The following CDH4 variants were observed in gnomAD, a reference collection of about 807,000 sequenced individuals.
The protein encoded by CDH4 is cadherin-4.
In CDH4, 33 loss-of-function variants were observed where a neutral mutation model predicts 86.0. The ratio of observed to expected loss-of-function variants is 0.38; its 90% CI spans 0.29 to 0.51. The LOEUF is 0.51. Among genes scored for constraint, CDH4 ranks in the 20% least tolerant of loss-of-function variants. The probability of loss-of-function intolerance (pLI) is 0.86; values close to 1 mark genes in which losing one functional copy is unlikely to be tolerated. For missense variants in CDH4, 1,114 were observed against 1,307.4 expected, an observed-to-expected ratio of 0.85 and a Z score of 2.28; for synonymous variants, 555 against 549.4, an observed-to-expected ratio of 1.01 and a Z score of -0.14.
At chr20:61,935,738 T>C (rs1020945625) in intron 15 of CDH4, among the ~76,000 whole-genome samples, 5 of 152,094 alleles carry the variant, frequency 3.3e-5, no homozygotes, top group African/African-American at 1.2e-4. Flanking sequence ...AATACAAAAA[T>C]TAGCTGGGCA....
rs73138619 is a variant in CDH4, at chr20:61,584,664, C to A, written c.170-158899C>A. ...GCTAAAACAATGATAAAATATAACACGAGCTCAGCAGATAACCCTGTGAGA... is the reference window on the plus strand; with the variant it reads ...GCTAAAACAATGATAAAATATAACAAGAGCTCAGCAGATAACCCTGTGAGA... On this transcript the variant is annotated intron_variant, in intron 2 of 15. Coordinates refer to ENST00000614565, the MANE Select transcript of CDH4 (RefSeq NM_001794.5). Among the ~76,000 whole-genome samples, 3 of 152,134 alleles carry A rather than the reference C, an allele frequency of 2.0e-5. No individual in the cohort carries two copies. The East Asian group carries it at 5.8e-4, about 29-fold the overall frequency.
chr20:61,666,542 G>A (rs567146237), intron 2 of CDH4, among the ~76,000 whole-genome samples: 115 of 152,318 alleles, frequency 7.5e-4, no homozygotes, highest in African/African-American at 2.5e-3. Flanking sequence ...GATGCTGGCC[G>A]AGGTCCACTG....
intron 3 of CDH4, among the ~76,000 whole-genome samples, chr20:61,746,151 C>T (rs562187010): frequency 7.0e-4 from 107 of 152,224 alleles, no homozygotes; most frequent in Non-Finnish European, 9.9e-4. Flanking sequence ...CCTGTGAGTC[C>T]GGCGTATGTC....
Position 61,768,370 on chromosome 20 carries a change from G to A in CDH4, c.397-4633G>A, listed in dbSNP as rs182976442. Among the ~76,000 whole-genome samples, 188 of 152,214 alleles carry A rather than the reference G, an allele frequency of 1.2e-3. 1 individual carries two copies. Among genetic ancestry groups the A allele is most frequent in the Non-Finnish European group, 2.3e-3 (156 of 68,018 alleles). Reference sequence around the variant, plus strand: ...CATATATATCTATATGTGCATGTGCGTACATGCATGCATACATGTGTGCAT... The same window carrying A: ...CATATATATCTATATGTGCATGTGCATACATGCATGCATACATGTGTGCAT... On this transcript the variant is annotated intron_variant, in intron 3 of 15. Coordinates refer to ENST00000614565, the MANE Select transcript of CDH4 (RefSeq NM_001794.5).
intron 2 of CDH4, among the ~76,000 whole-genome samples, chr20:61,273,298 A>G (rs1487242944): frequency 8.3e-6 from 1 of 120,544 alleles, no homozygotes; most frequent in African/African-American, 3.3e-5. Context: ...GGGAAGTACC[A>G]TGTGCAGTTT....
At chr20:61,731,884 G>A (rs921739023) in intron 2 of CDH4, among the ~76,000 whole-genome samples, 1 of 152,172 alleles carries the variant, frequency 6.6e-6, no homozygotes, top group African/African-American at 2.4e-5. Context: ...ACTGGAGGGT[G>A]TGTCCCCTGG....
intron 2 of CDH4, among the ~76,000 whole-genome samples, chr20:61,376,171 T>A (rs1192761064): frequency 6.6e-6 from 1 of 151,546 alleles, no homozygotes; most frequent in Non-Finnish European, 1.5e-5. Flanking sequence ...GTGATGGTGT[T>A]GCTGATGTTG....
intron 2 of CDH4, among the ~76,000 whole-genome samples, chr20:61,741,312 G>A (rs181143022): frequency 8.2e-4 from 125 of 152,316 alleles, no homozygotes; most frequent in African/African-American, 3.0e-3. Context: ...CTGCCTTTGA[G>A]GGCGCTGTCA....
intron 3 of CDH4, among the ~76,000 whole-genome samples, chr20:61,755,704 C>T (rs1218160814): frequency 2.1e-5 from 3 of 143,346 alleles, no homozygotes; most frequent in Non-Finnish European, 4.8e-5. Flanking sequence ...ACATTTTATA[C>T]CACATACATG....
intron 2 of CDH4, among the ~76,000 whole-genome samples, chr20:61,534,648 C>CTTTCTTTTTTTTTTTTTTTTTTTTTTT (rs1568881693): frequency 3.7e-5 from 4 of 108,382 alleles, no homozygotes; most frequent in African/African-American, 1.1e-4. Flanking sequence ...TTCTTTCTTT[C>CTTTCTTTTTTTTTTTTTTTTTTTTTTT]TTTTCTTTCT....
At chr20:61,565,990 G>A (rs2086294737) in intron 2 of CDH4, among the ~76,000 whole-genome samples, 1 of 152,168 alleles carries the variant, frequency 6.6e-6, no homozygotes, top group Non-Finnish European at 1.5e-5. Flanking sequence ...TGTCCCCGTT[G>A]CCCATCAAGT....
chr20:61,866,864 C>T (rs1046862181), intron 6 of CDH4, among the ~76,000 whole-genome samples: 1 of 152,248 alleles, frequency 6.6e-6, no homozygotes, highest in Non-Finnish European at 1.5e-5. Flanking sequence ...CTAGATGGAG[C>T]ATGTTTTCGC....
At chr20:61,866,085 C>A (rs569356657) in intron 6 of CDH4, among the ~76,000 whole-genome samples, 9 of 152,252 alleles carry the variant, frequency 5.9e-5, no homozygotes, top group African/African-American at 1.9e-4. Flanking sequence ...ACCTGGAGGA[C>A]CCTCAGTTGT....
chr20:61,585,637 GTGATGA>G (rs371729251), intron 2 of CDH4, among the ~76,000 whole-genome samples: 5 of 151,974 alleles, frequency 3.3e-5, no homozygotes, highest in Non-Finnish European at 4.4e-5. Context: ...GACGGTGATG[GTGATGA>G]TGATGGTGAT....
At chr20:61,732,263 C>G (rs1337633113) in intron 2 of CDH4, among the ~76,000 whole-genome samples, 1 of 152,194 alleles carries the variant, frequency 6.6e-6, no homozygotes, top group Admixed American at 6.5e-5. Context: ...TGGACATGAA[C>G]ACTGTGATAT....
chr20:61,526,174 C>G (rs535938008), intron 2 of CDH4, among the ~76,000 whole-genome samples: 9 of 152,038 alleles, frequency 5.9e-5, no homozygotes, highest in African/African-American at 1.7e-4. Context: ...GTGCCCCTCC[C>G]CCTCCCCGGG....
rs1300844177 is a variant in CDH4 at position 61,873,813 on chromosome 20, G to A, written c.963G>A (p.Gln321=). The change falls in exon 7 of 16, where the codon CAG becomes CAA. Residue 321 remains glutamine (Q), a synonymous_variant. Transcript: ENST00000614565. ...NGMVRYRIVT[Q]TPQSPSQNMF... The stretch of plus-strand genomic sequence containing the variant: ...TGGTGCGGTACCGGATCGTGACCCA[G>A]ACCCCACAGAGCCCGTCCCAGAATA... The A allele has an allele frequency of 6.2e-7, 1 of 1,614,094 alleles. No homozygotes were observed.
intron 2 of CDH4, among the ~76,000 whole-genome samples, chr20:61,265,562 T>G (rs1033924000): frequency 5.3e-5 from 8 of 152,160 alleles, no homozygotes; most frequent in Non-Finnish European, 1.2e-4. Flanking sequence ...GCTCCTTCAC[T>G]CAATCTTACA....
intron 2 of CDH4, among the ~76,000 whole-genome samples, chr20:61,549,364 G>A (rs1162313236): frequency 2.6e-5 from 4 of 152,116 alleles, no homozygotes; most frequent in Non-Finnish European, 4.4e-5. Flanking sequence ...GGAACAGCCT[G>A]GAGCCTACAA....
Sources: gnomAD v4.1 joint callset for allele counts (sites outside exome capture counted in the v4.1 genomes callset) on GRCh38, gnomAD v4.1.1 for gene constraint, MANE v1.5 for transcripts, NCBI Gene and HGNC (gene_info 2026-07-23, HGNC 2026-07-21) for gene names.